The following TMEM117 variants were observed in gnomAD, a reference collection of about 807,000 sequenced individuals.
TMEM117 encodes the protein transmembrane protein 117.
A neutral mutation model predicts 52.4 loss-of-function variants in TMEM117; 27 were observed. The observed-to-expected ratio is 0.51, with a 90% confidence interval of 0.38 to 0.71. TMEM117 has a LOEUF of 0.71. TMEM117 is among the 30% of genes least tolerant of loss of function. TMEM117 has a pLI of 0.00. For missense variants in TMEM117, 556 were observed against 630.5 expected, an observed-to-expected ratio of 0.88 and a Z score of 1.26; for synonymous variants, 215 against 206.3, an observed-to-expected ratio of 1.04 and a Z score of -0.36.
At chr12:44,051,534 T>C (rs895056313) in intron 3 of TMEM117, among the ~76,000 whole-genome samples, 2 of 152,184 alleles carry the variant, frequency 1.3e-5, no homozygotes, top group Non-Finnish European at 2.9e-5. Flanking sequence ...TTGTACATTA[T>C]ATATTCTTTC....
At chr12:44,004,001 C>CT (rs749086251) in intron 3 of TMEM117, among the ~76,000 whole-genome samples, 5 of 152,210 alleles carry the variant, frequency 3.3e-5, no homozygotes, top group Non-Finnish European at 7.4e-5. Context: ...TGAGAATATG[C>CT]TTTTTTCTGG....
chr12:44,065,120 C>CAA (rs1449523565), intron 3 of TMEM117, among the ~76,000 whole-genome samples: 1 of 152,168 alleles, frequency 6.6e-6, no homozygotes, highest in East Asian at 1.9e-4. Flanking sequence ...CATGGTGGCT[C>CAA]ACGCCTGTAA....
intron 2 of TMEM117, among the ~76,000 whole-genome samples, chr12:43,890,965 G>A (rs1166034630): frequency 1.3e-5 from 2 of 151,448 alleles, no homozygotes; most frequent in Admixed American, 6.6e-5. Flanking sequence ...AGGAAATCTC[G>A]GCAGAAAAAC....
At chr12:44,340,207 C>T (rs570733170) in intron 6 of TMEM117, among the ~76,000 whole-genome samples, 7 of 151,992 alleles carry the variant, frequency 4.6e-5, no homozygotes, top group Admixed American at 3.3e-4. Flanking sequence ...CAACCTGACT[C>T]CTTACACCAA....
intron 3 of TMEM117, among the ~76,000 whole-genome samples, chr12:44,029,222 G>A (rs1946592619): frequency 6.6e-6 from 1 of 152,174 alleles, no homozygotes; most frequent in Non-Finnish European, 1.5e-5. Context: ...GATTTAGGGG[G>A]TTAGAGACCC....
chr12:44,258,384 G>A (rs914411870), intron 5 of TMEM117, among the ~76,000 whole-genome samples: 13 of 152,032 alleles, frequency 8.6e-5, no homozygotes, highest in Non-Finnish European at 1.5e-4. Context: ...TAAAAGACTT[G>A]TAGCTCATAT....
chr12:44,031,379 T>A (rs1428529345), intron 3 of TMEM117, among the ~76,000 whole-genome samples: 2 of 152,196 alleles, frequency 1.3e-5, no homozygotes, highest in East Asian at 3.8e-4. Context: ...AACTGTGTTG[T>A]CTTGTTTTGG....
At chr12:43,890,480 T>C (rs1944082519) in intron 2 of TMEM117, among the ~76,000 whole-genome samples, 1 of 152,130 alleles carries the variant, frequency 6.6e-6, no homozygotes, top group African/African-American at 2.4e-5. Flanking sequence ...TCATCAGATT[T>C]TAGGGCTAGA....
chr12:43,921,576 G>T (rs138879355), intron 2 of TMEM117, among the ~76,000 whole-genome samples: 1 of 152,290 alleles, frequency 6.6e-6, no homozygotes, highest in African/African-American at 2.4e-5. Flanking sequence ...GCAAAGAAGA[G>T]CTCAGTAAGT....
At chr12:44,147,986 GTCA>G (rs1948669539) in intron 4 of TMEM117, among the ~76,000 whole-genome samples, 1 of 150,874 alleles carries the variant, frequency 6.6e-6, no homozygotes, top group Non-Finnish European at 1.5e-5. Flanking sequence ...CAACACTGAA[GTCA>G]TCATAAAGCA....
At chr12:44,264,650 G>A (rs1418482146) in intron 5 of TMEM117, among the ~76,000 whole-genome samples, 1 of 152,030 alleles carries the variant, frequency 6.6e-6, no homozygotes, top group Non-Finnish European at 1.5e-5. Flanking sequence ...TCAGAAGGAT[G>A]AAACTGCTCA....
At chr12:44,120,195 A>C (rs1948210518) in intron 3 of TMEM117, among the ~76,000 whole-genome samples, 1 of 151,844 alleles carries the variant, frequency 6.6e-6, no homozygotes, top group African/African-American at 2.4e-5. Flanking sequence ...CTAAGTTGAC[A>C]AAAAAAATAC....
At chr12:43,872,939 C>T (rs540967911) in intron 2 of TMEM117, among the ~76,000 whole-genome samples, 1 of 152,130 alleles carries the variant, frequency 6.6e-6, no homozygotes, top group South Asian at 2.1e-4. Flanking sequence ...TGTTTTATAG[C>T]ACTGGAAAAT....
At chr12:44,198,983 T>G (rs559843982) in intron 4 of TMEM117, among the ~76,000 whole-genome samples, 1 of 152,294 alleles carries the variant, frequency 6.6e-6, no homozygotes, top group Non-Finnish European at 1.5e-5. Flanking sequence ...GGACTTTATA[T>G]CAATATGCTT....
At chr12:44,083,547 C>T (rs924554436) in intron 3 of TMEM117, 3 of 151,676 alleles carry the variant, frequency 2.0e-5, no homozygotes, top group Admixed American at 6.6e-5. Context: ...GGAGTACAGG[C>T]ATGCACCACC....
chr12:44,078,729 C>G (rs913485354), intron 3 of TMEM117, among the ~76,000 whole-genome samples: 2 of 151,332 alleles, frequency 1.3e-5, no homozygotes, highest in Non-Finnish European at 2.9e-5. Flanking sequence ...TTTTATTATA[C>G]TTTAAGTTCT....
the TMEM117 span, among the ~76,000 whole-genome samples, chr12:43,801,842 C>G: frequency 6.6e-6 from 1 of 152,044 alleles, no homozygotes; most frequent in Non-Finnish European, 1.5e-5. Flanking sequence ...CCAGCCTGGG[C>G]AACACAGTGA....
At chr12:43,831,231 A>G (rs926476474), upstream of TMEM117, among the ~76,000 whole-genome samples, 4 of 152,222 alleles carry the variant, frequency 2.6e-5, no homozygotes. Flanking sequence ...TGTAATTAGC[A>G]TCATCCCGAC....
chr12:44,030,740 C>T (rs915135627), intron 3 of TMEM117, among the ~76,000 whole-genome samples: 2 of 152,182 alleles, frequency 1.3e-5, no homozygotes, highest in African/African-American at 2.4e-5. Context: ...GTCTGATTTT[C>T]CCCCCAAAAT....
Sources: allele counts gnomAD v4.1 joint callset (sites outside exome capture counted in the v4.1 genomes callset), GRCh38; gene constraint gnomAD v4.1.1; transcripts MANE v1.5; gene names NCBI Gene and HGNC (gene_info 2026-07-23, HGNC 2026-07-21).